The following STPG2 variants were observed in gnomAD, a reference collection of about 807,000 sequenced individuals.
STPG2 encodes sperm tail PG-rich repeat containing 2.
STPG2 carries 56 observed loss-of-function variants against 54.2 expected under a neutral mutation model. The ratio of observed to expected loss-of-function variants is 1.03; its 90% CI spans 0.83 to 1.29. The LOEUF (loss-of-function observed/expected upper bound fraction) is 1.29. Ranked by LOEUF, STPG2 falls within the 50% of genes most tolerant of loss-of-function variation. STPG2 has a pLI of 0.00. For missense variants in STPG2, 596 were observed against 544.9 expected (o/e 1.09, Z -0.93); for synonymous variants, 200 against 181.8 (o/e 1.10, Z -0.81).
rs145670417 is a variant in STPG2, at chr4:97,666,237, T to C, written c.1320+46462A>G. On this transcript the variant is annotated intron_variant, in intron 10 of 10. Coordinates refer to ENST00000295268, the MANE Select transcript of STPG2 (RefSeq NM_174952.3). The stretch of plus-strand genomic sequence containing the variant: ...CTGTTCCTGGCTCCCATTGGCTCCA[T>C]GAACCATGCAGCCCCTGCTACTCCT... 1.3e-3 allele frequency among the ~76,000 whole-genome samples: 196 copies of C among 152,282 alleles called. 4 individuals are homozygous for C. In the East Asian group the frequency reaches 0.033, roughly 25 times the overall value.
chr4:97,742,839 C>G (rs974255985), intron 9 of STPG2, among the ~76,000 whole-genome samples: 9 of 151,368 alleles, frequency 5.9e-5, no homozygotes, highest in Non-Finnish European at 1.2e-4. Context: ...ATCTCAAGTA[C>G]AGCATGAGGA....
intron 8 of STPG2, among the ~76,000 whole-genome samples, chr4:97,847,770 A>G (rs890683208): frequency 6.6e-6 from 1 of 152,080 alleles, no homozygotes; most frequent in African/African-American, 2.4e-5. Flanking sequence ...TTCTTTCCTC[A>G]TTGACTTACA....
chr4:98,100,388 A>G (rs1035716534), intron 5 of STPG2, among the ~76,000 whole-genome samples: 5 of 152,208 alleles, frequency 3.3e-5, no homozygotes, highest in African/African-American at 1.2e-4. Context: ...CAAATTAATC[A>G]TAAGTTCAGA....
intron 10 of STPG2, among the ~76,000 whole-genome samples, chr4:97,707,941 C>G (rs2149003596): frequency 6.6e-6 from 1 of 152,194 alleles, no homozygotes; most frequent in Non-Finnish European, 1.5e-5. Context: ...ACCAAACAAG[C>G]ATGCAAAACA....
At chr4:97,900,722 T>G (rs1189156698) in intron 8 of STPG2, among the ~76,000 whole-genome samples, 1 of 152,008 alleles carries the variant, frequency 6.6e-6, no homozygotes, top group Non-Finnish European at 1.5e-5. Flanking sequence ...AGCTAAATGA[T>G]GAGAACTTAT....
At chr4:98,034,558 A>G (rs1414056028) in intron 5 of STPG2, among the ~76,000 whole-genome samples, 1 of 152,212 alleles carries the variant, frequency 6.6e-6, no homozygotes, top group African/African-American at 2.4e-5. Context: ...TATCCGCATC[A>G]AGCTACCATT....
chr4:98,089,856 A>C (rs1274578453), intron 5 of STPG2, among the ~76,000 whole-genome samples: 1 of 151,804 alleles, frequency 6.6e-6, no homozygotes, highest in Non-Finnish European at 1.5e-5. Context: ...TCTTTTGATA[A>C]ATTTCTACTT....
chr4:97,946,318 G>T (rs1163461009), intron 7 of STPG2, among the ~76,000 whole-genome samples: 1 of 151,996 alleles, frequency 6.6e-6, no homozygotes, highest in African/African-American at 2.4e-5. Flanking sequence ...TGCATAGTTT[G>T]CAATATTTTC....
chr4:97,770,053 A>C (rs891187554), intron 9 of STPG2, among the ~76,000 whole-genome samples: 1 of 152,042 alleles, frequency 6.6e-6, no homozygotes, highest in African/African-American at 2.4e-5. Context: ...TCTACTAAAA[A>C]TACAAAAATT....
intron 3 of STPG2, among the ~76,000 whole-genome samples, chr4:98,116,131 G>A (rs1739516670): frequency 6.6e-6 from 1 of 151,634 alleles, no homozygotes; most frequent in African/African-American, 2.4e-5. Context: ...ATTTAGCCAG[G>A]AAGTAATCAA....
At chr4:98,077,737 C>T (rs1738218483) in intron 5 of STPG2, among the ~76,000 whole-genome samples, 1 of 152,084 alleles carries the variant, frequency 6.6e-6, no homozygotes. Context: ...CCTAAGTGTC[C>T]AATTATACCA....
chr4:97,529,600 T>G (rs1731367903), intron 4 of STPG2, among the ~76,000 whole-genome samples: 1 of 152,170 alleles, frequency 6.6e-6, no homozygotes, highest in South Asian at 2.1e-4. Context: ...CGGCTATGAA[T>G]CCATCTGCTA....
chr4:97,498,239 T>C (rs941730757), intron 4 of STPG2, among the ~76,000 whole-genome samples: 9 of 151,928 alleles, frequency 5.9e-5, no homozygotes, highest in African/African-American at 1.4e-4. Flanking sequence ...GCTGACCACC[T>C]TTAAATAGAG....
chr4:97,880,063 G>A (rs1350034878), intron 8 of STPG2, among the ~76,000 whole-genome samples: 2 of 152,072 alleles, frequency 1.3e-5, no homozygotes, highest in Admixed American at 1.3e-4. Context: ...CTCCATCAGT[G>A]AACAAATGGA....
At chr4:97,845,959 T>A (rs1728937576) in intron 8 of STPG2, among the ~76,000 whole-genome samples, 3 of 152,148 alleles carry the variant, frequency 2.0e-5, no homozygotes, top group Admixed American at 2.0e-4. Context: ...GAAAGTCACA[T>A]AGTACAGCAT....
chr4:97,805,439 G>A (rs1727528087), intron 9 of STPG2, among the ~76,000 whole-genome samples: 3 of 152,072 alleles, frequency 2.0e-5, no homozygotes. Context: ...TCAAACTTCT[G>A]ACTCCAAGTG....
At position 97,993,344 on chromosome 4, in the gene STPG2, G is replaced by C. The variant is rs528113261; in HGVS notation, c.613-12026C>G. On this transcript the variant is annotated intron_variant, in intron 5 of 10. Coordinates refer to ENST00000295268, the MANE Select transcript of STPG2 (RefSeq NM_174952.3). ...TTTCTGTGTCTATTGAGATGATCAA[G>C]TGATTTTTAATTCTATTTATGTAGT... Among the ~76,000 whole-genome samples, 89 of 152,104 alleles carry C rather than the reference G, an allele frequency of 5.9e-4. 2 individuals are homozygous for C. The highest frequency in any genetic ancestry group is 1.5e-5 in the Non-Finnish European group (1 of 67,910).
rs372400210 is a variant in STPG2, at chr4:97,484,473, G to A, written c.462+228226C>T. Among the ~76,000 whole-genome samples the A allele has an allele frequency of 2.6e-5, 4 of 151,492 alleles. No homozygotes were observed. The East Asian group carries it at 5.8e-4, about 22-fold the overall frequency. On this transcript the variant is annotated intron_variant, in intron 4 of 4. Coordinates refer to the STPG2 transcript ENST00000522676. ...AGTAGAAAACCTAGAAAAGATAAATGAATTACTGGAAAAATACAATTCTCC... is the reference window on the plus strand; with the variant it reads ...AGTAGAAAACCTAGAAAAGATAAATAAATTACTGGAAAAATACAATTCTCC...
At chr4:97,802,043 T>A (rs961087221) in intron 9 of STPG2, among the ~76,000 whole-genome samples, 4 of 152,182 alleles carry the variant, frequency 2.6e-5, no homozygotes, top group Non-Finnish European at 4.4e-5. Flanking sequence ...TCTGAATCTT[T>A]AGGTCAGGTA....
Sources: gnomAD v4.1 joint callset for allele counts (sites outside exome capture counted in the v4.1 genomes callset) on GRCh38, gnomAD v4.1.1 for gene constraint, MANE v1.5 for transcripts, NCBI Gene and HGNC (gene_info 2026-07-23, HGNC 2026-07-21) for gene names.